The following TRPM3 variants were observed in gnomAD, a reference collection of about 807,000 sequenced individuals.
TRPM3 encodes long transient receptor potential channel 3.
In TRPM3, 77 loss-of-function variants were observed where a neutral mutation model predicts 181.2. The ratio of observed to expected loss-of-function variants is 0.42; its 90% CI spans 0.35 to 0.51. TRPM3 has a LOEUF of 0.51. Ranked by LOEUF, TRPM3 falls within the 20% of genes least tolerant of loss-of-function variation. The pLI is 0.01. For missense variants in TRPM3, 1,759 were observed against 2,196.7 expected, an observed-to-expected ratio of 0.80 and a Z score of 3.98; for synonymous variants, 745 against 796.4, an observed-to-expected ratio of 0.94 and a Z score of 1.09.
rs138496372 is a variant in TRPM3 at position 71,410,651 on chromosome 9, G to A, written c.183+36002C>T. 3.1e-3 allele frequency among the ~76,000 whole-genome samples: 466 copies of A among 152,110 alleles called. 1 individual carries two copies. The highest frequency in any genetic ancestry group is 0.011 in the African/African-American group (443 of 41,484). On this transcript the variant is annotated intron_variant, in intron 1 of 24. Transcript: ENST00000357533. ...AACCAAAAAAAATCCAGGCCCAGAC[G>A]GATTCACAGCCAAATTCTACCAGAG...
Position 70,529,486 on chromosome 9 carries a change from C to A in TRPM3, c.*6467G>T, listed in dbSNP as rs566602509. 10 of 152,264 alleles carry A rather than the reference C, an allele frequency of 6.6e-5. No homozygotes were observed. The highest frequency in any genetic ancestry group is 2.4e-4 in the African/African-American group (10 of 41,548). The allele number at this position is 152,264 out of a possible 1,614,324, so 9.4% of individuals were successfully genotyped here. A position where few individuals can be genotyped will look rare whatever the true frequency, so the allele number is the denominator to read the frequency against. ...CAGTATACTGCACGTACTGTTTTTA[C>A]ACAGCGGTAGCAGCAATATAAACTC... On this transcript the variant is annotated 3_prime_UTR_variant, in exon 26 of 26. Coordinates refer to ENST00000677713, the MANE Select transcript of TRPM3 (RefSeq NM_001366145.2).
At chr9:70,841,027 A>G (rs2094593322) in intron 5 of TRPM3, among the ~76,000 whole-genome samples, 1 of 152,192 alleles carries the variant, frequency 6.6e-6, no homozygotes, top group Non-Finnish European at 1.5e-5. Context: ...TTAAAGAATT[A>G]ATTTATGTAT....
At chr9:71,192,573 TA>T (rs2078099521) in intron 1 of TRPM3, among the ~76,000 whole-genome samples, 1 of 151,930 alleles carries the variant, frequency 6.6e-6, no homozygotes, top group African/African-American at 2.4e-5. Context: ...GAAAAGTAAT[TA>T]TTCATGTTCT....
chr9:70,624,389 G>A (rs1318252117), intron 14 of TRPM3, among the ~76,000 whole-genome samples: 2 of 152,132 alleles, frequency 1.3e-5, no homozygotes, highest in African/African-American at 4.8e-5. Context: ...TCGAACTCCT[G>A]GGCTCAAGCG....
intron 20 of TRPM3, among the ~76,000 whole-genome samples, 177 bp downstream of exon 20, chr9:70,603,165 C>T (rs1445512206): frequency 1.3e-5 from 2 of 152,206 alleles, no homozygotes; most frequent in Non-Finnish European, 2.9e-5. Context: ...CCCCTATAAG[C>T]ACCACACTGT....
At chr9:70,605,241 C>G (rs1369642187) in intron 19 of TRPM3, among the ~76,000 whole-genome samples, 1 of 152,094 alleles carries the variant, frequency 6.6e-6, no homozygotes, top group Non-Finnish European at 1.5e-5. Context: ...CAGGTGTGAG[C>G]CACTGCGCCT....
At position 71,208,361 on chromosome 9, in the gene TRPM3, T is replaced by G. The variant is rs571131991; in HGVS notation, c.183+238292A>C. Among the ~76,000 whole-genome samples, 13 of 152,268 alleles carry G rather than the reference T, an allele frequency of 8.5e-5. No homozygotes were observed. In the South Asian group the frequency reaches 2.7e-3, roughly 32 times the overall value. Reference sequence around the variant, plus strand: ...AAACATTCACAAAAAATATCAATAATTTAGGTACTGAAAAGTATTTGAAAC... The same window carrying G: ...AAACATTCACAAAAAATATCAATAAGTTAGGTACTGAAAAGTATTTGAAAC... On this transcript the variant is annotated intron_variant, in intron 1 of 24. Coordinates refer to the TRPM3 transcript ENST00000357533.
intron 1 of TRPM3, among the ~76,000 whole-genome samples, chr9:71,207,542 G>A (rs2079199243): frequency 6.6e-6 from 1 of 152,056 alleles, no homozygotes; most frequent in African/African-American, 2.4e-5. Context: ...TGGCACAAGA[G>A]ATAAATGTGA....
intron 1 of TRPM3, among the ~76,000 whole-genome samples, chr9:70,945,500 A>G (rs988787311): frequency 6.6e-6 from 1 of 152,196 alleles, no homozygotes; most frequent in Non-Finnish European, 1.5e-5. Flanking sequence ...TGATGACTCA[A>G]TGTAATCATG....
At chr9:71,249,840 G>A (rs1385063196) in intron 1 of TRPM3, among the ~76,000 whole-genome samples, 5 of 152,114 alleles carry the variant, frequency 3.3e-5, no homozygotes, top group Non-Finnish European at 7.4e-5. Context: ...AAAGAATTAA[G>A]ATGAATGGGT....
intron 1 of TRPM3, among the ~76,000 whole-genome samples, chr9:71,319,023 C>CTCTTTTTGCTTTGCTTCTTTCACTTATG (rs138286517): frequency 0.71 from 107,633 of 151,614 alleles, 40,504 homozygotes; most frequent in East Asian, 0.84. Context: ...ATAGTATGTA[C>CTCTTTTTGCTTTGCTTCTTTCACTTATG]AAAATTGTGA....
chr9:70,547,266 T>C (rs2045222333), intron 25 of TRPM3, among the ~76,000 whole-genome samples: 1 of 152,170 alleles, frequency 6.6e-6, no homozygotes, highest in South Asian at 2.1e-4. Context: ...TAACCATATA[T>C]ACCTTTCCAA....
intron 1 of TRPM3, among the ~76,000 whole-genome samples, chr9:70,978,257 A>G (rs1351086904): frequency 6.6e-6 from 1 of 152,180 alleles, no homozygotes; most frequent in Non-Finnish European, 1.5e-5. Context: ...GCTATGACTA[A>G]CCTGCATATA....
intron 1 of TRPM3, among the ~76,000 whole-genome samples, chr9:71,330,898 T>C (rs558996213): frequency 5.9e-5 from 9 of 151,876 alleles, no homozygotes; most frequent in Non-Finnish European, 8.8e-5. Flanking sequence ...CAGCAGCTGA[T>C]AGAGTGCTGA....
intron 1 of TRPM3, among the ~76,000 whole-genome samples, chr9:71,139,448 T>C (rs750482001): frequency 2.6e-5 from 4 of 152,156 alleles, no homozygotes; most frequent in Non-Finnish European, 5.9e-5. Flanking sequence ...GACTTAAAAA[T>C]AGGAACAAAT....
chr9:70,621,252 C>T lies in TRPM3; in HGVS notation c.1831G>A (p.Gly611Arg). 1 of 1,598,870 alleles carries T rather than the reference C, an allele frequency of 6.3e-7. No individual in the cohort carries two copies. The highest frequency in any genetic ancestry group is 1.1e-5 in the South Asian group (1 of 89,358). ...TTTGGACAAACACTTACCTCCATTC[C>T]CAGCAGTTTCAAGGCTTTGGGCTGT... ...PKRPKALKLLGMEDDIPLRRG... is the reference protein window; with the variant it reads ...PKRPKALKLLRMEDDIPLRRG... The change falls in exon 15 of 26, where the codon GGA becomes AGA. Residue 611 changes from glycine (G) to arginine (R), a missense_variant. Coordinates refer to ENST00000677713, the MANE Select transcript of TRPM3 (RefSeq NM_001366145.2).
At chr9:71,368,006 G>A (rs911779431) in intron 1 of TRPM3, among the ~76,000 whole-genome samples, 13 of 150,846 alleles carry the variant, frequency 8.6e-5, no homozygotes, top group African/African-American at 1.2e-4. Flanking sequence ...ACACACATGT[G>A]AGTGTATGTG....
At chr9:71,314,843 T>C (rs931056675) in intron 1 of TRPM3, among the ~76,000 whole-genome samples, 1 of 150,844 alleles carries the variant, frequency 6.6e-6, no homozygotes, top group African/African-American at 2.4e-5. Context: ...AGCAGGACCT[T>C]CTGATTGAGA....
intron 8 of TRPM3, among the ~76,000 whole-genome samples, chr9:70,745,546 G>C (rs574894046): frequency 6.6e-6 from 1 of 152,256 alleles, no homozygotes; most frequent in African/African-American, 2.4e-5. Context: ...GTACAATTCA[G>C]TATCTATCTC....
Sources: gnomAD v4.1 joint callset for allele counts (sites outside exome capture counted in the v4.1 genomes callset) on GRCh38, gnomAD v4.1.1 for gene constraint, MANE v1.5 for transcripts, NCBI Gene and HGNC (gene_info 2026-07-23, HGNC 2026-07-21) for gene names.